The following TACR3 variants were observed in gnomAD, a reference collection of about 807,000 sequenced individuals.
TACR3 encodes tachykinin receptor 3.
TACR3 carries 34 observed loss-of-function variants against 35.0 expected under a neutral mutation model. That is an observed-to-expected ratio of 0.97 (90% CI 0.74 to 1.30). The LOEUF is 1.30. Among genes scored for constraint, TACR3 ranks in the 50% most tolerant of loss-of-function variants. The probability of loss-of-function intolerance (pLI) is 0.00; values close to 1 mark genes in which losing one functional copy is unlikely to be tolerated. For missense variants in TACR3, 558 were observed against 591.7 expected (o/e 0.94, Z 0.59); for synonymous variants, 233 against 221.1 (o/e 1.05, Z -0.48).
chr4:103,594,325 G>A (rs571779050), intron 3 of TACR3, among the ~76,000 whole-genome samples: 12 of 151,922 alleles, frequency 7.9e-5, no homozygotes, highest in African/African-American at 1.4e-4. Flanking sequence ...TTACAGGAGC[G>A]TGCCACCACG....
chr4:103,704,720 G>T (rs1046962186), intron 1 of TACR3, among the ~76,000 whole-genome samples: 2 of 152,150 alleles, frequency 1.3e-5, no homozygotes, highest in African/African-American at 2.4e-5. Context: ...AATGAGATTT[G>T]TGTGGGGAAA....
At chr4:103,630,500 C>T (rs544341403) in intron 3 of TACR3, among the ~76,000 whole-genome samples, 36 of 152,146 alleles carry the variant, frequency 2.4e-4, no homozygotes, top group Non-Finnish European at 2.8e-4. Context: ...ATAAAACAAC[C>T]CCATCAAAAA....
chr4:103,686,467 G>A (rs1355119880), intron 1 of TACR3, among the ~76,000 whole-genome samples: 1 of 151,986 alleles, frequency 6.6e-6, no homozygotes, highest in Non-Finnish European at 1.5e-5. Flanking sequence ...ACCACAAACT[G>A]TCAAACAAAC....
chr4:103,714,679 G>T (rs1560543117), intron 1 of TACR3, among the ~76,000 whole-genome samples: 2 of 152,084 alleles, frequency 1.3e-5, no homozygotes, highest in Admixed American at 1.3e-4. Context: ...TAACTGCATG[G>T]AAAGTGACTT....
chr4:103,703,848 C>T (rs1244173137), intron 1 of TACR3, among the ~76,000 whole-genome samples: 1 of 151,846 alleles, frequency 6.6e-6, no homozygotes, highest in Non-Finnish European at 1.5e-5. Context: ...CGCCTGTAAT[C>T]CCAGCACTTT....
chr4:103,628,054 A>T (rs1351322943), intron 3 of TACR3, among the ~76,000 whole-genome samples: 1 of 152,202 alleles, frequency 6.6e-6, no homozygotes, highest in Non-Finnish European at 1.5e-5. Context: ...TACTGGGTAA[A>T]CAATAAAATG....
At chr4:103,652,375 A>G (rs368050729) in intron 3 of TACR3, among the ~76,000 whole-genome samples, 9 of 152,062 alleles carry the variant, frequency 5.9e-5, no homozygotes, top group Admixed American at 3.9e-4. Context: ...TGACAGGGCA[A>G]TGTCTAACAA....
chr4:103,659,643 C>T (rs1290181044), intron 1 of TACR3, among the ~76,000 whole-genome samples: 1 of 152,150 alleles, frequency 6.6e-6, no homozygotes, highest in Non-Finnish European at 1.5e-5. Context: ...ACATATAACA[C>T]TGTTGTAACG....
At chr4:103,705,593 G>A (rs1054152763) in intron 1 of TACR3, among the ~76,000 whole-genome samples, 1 of 152,092 alleles carries the variant, frequency 6.6e-6, no homozygotes, top group Non-Finnish European at 1.5e-5. Flanking sequence ...TGTTATGATT[G>A]TCATGTGCTA....
intron 3 of TACR3, among the ~76,000 whole-genome samples, chr4:103,618,251 G>T (rs1724702656): frequency 6.6e-6 from 1 of 152,132 alleles, no homozygotes; most frequent in African/African-American, 2.4e-5. Context: ...GTTAATTTTT[G>T]TATATGGTGA....
intron 1 of TACR3, among the ~76,000 whole-genome samples, chr4:103,670,340 T>C (rs1726028870): frequency 6.6e-6 from 1 of 150,400 alleles, no homozygotes; most frequent in Admixed American, 6.6e-5. Flanking sequence ...CATACAACTT[T>C]TAGGACTTAA....
chr4:103,637,535 A>G (rs369829300), intron 3 of TACR3, among the ~76,000 whole-genome samples: 34 of 152,152 alleles, frequency 2.2e-4, no homozygotes, highest in Non-Finnish European at 4.0e-4. Flanking sequence ...GCACAAGACA[A>G]GGATGCCCTC....
chr4:103,703,774 G>C (rs1254068699), intron 1 of TACR3, among the ~76,000 whole-genome samples: 1 of 152,070 alleles, frequency 6.6e-6, no homozygotes, highest in Non-Finnish European at 1.5e-5. Flanking sequence ...AGAACTGCAA[G>C]TAGAAGATGA....
intron 3 of TACR3, among the ~76,000 whole-genome samples, chr4:103,643,913 C>T (rs1044617168): frequency 6.6e-5 from 10 of 151,652 alleles, no homozygotes; most frequent in Non-Finnish European, 8.8e-5. Context: ...CATAGAGAAC[C>T]TTTTTCAGAT....
At chr4:103,599,143 G>C (rs1049087626) in intron 3 of TACR3, among the ~76,000 whole-genome samples, 1 of 152,148 alleles carries the variant, frequency 6.6e-6, no homozygotes, top group Non-Finnish European at 1.5e-5. Flanking sequence ...GCAGTGGTTT[G>C]TAGTTCTCCT....
intron 1 of TACR3, among the ~76,000 whole-genome samples, chr4:103,679,944 G>A (rs545914522): frequency 6.6e-6 from 1 of 151,890 alleles, no homozygotes; most frequent in Admixed American, 6.6e-5. Flanking sequence ...GAGTAGTTTG[G>A]TGTGATAAAC....
chr4:103,601,939 C>A (rs191316615), intron 3 of TACR3, among the ~76,000 whole-genome samples: 1 of 152,156 alleles, frequency 6.6e-6, no homozygotes, highest in African/African-American at 2.4e-5. Context: ...GCCTGCTTTG[C>A]TAGATTGGGG....
chr4:103,627,352 T>TAAAA (rs869215834), intron 3 of TACR3, among the ~76,000 whole-genome samples: 2 of 82,486 alleles, frequency 2.4e-5, no homozygotes, highest in African/African-American at 4.8e-5. Flanking sequence ...GTGTTTCCAT[T>TAAAA]AAAAAAAAAA....
chr4:103,648,947 T>G (rs1438862873), intron 3 of TACR3, among the ~76,000 whole-genome samples: 1 of 152,120 alleles, frequency 6.6e-6, no homozygotes, highest in Non-Finnish European at 1.5e-5. Flanking sequence ...TTGCCAGGAT[T>G]TGTGATTGCC....
Sources: gnomAD v4.1 joint callset for allele counts (sites outside exome capture counted in the v4.1 genomes callset) on GRCh38, gnomAD v4.1.1 for gene constraint, MANE v1.5 for transcripts, NCBI Gene and HGNC (gene_info 2026-07-23, HGNC 2026-07-21) for gene names.